PLEKHM3: variants seen among roughly 807,000 people sequenced by gnomAD.
The protein encoded by PLEKHM3 is pleckstrin homology domain containing M3.
PLEKHM3 carries 45 observed loss-of-function variants against 81.8 expected under a neutral mutation model. The ratio of observed to expected loss-of-function variants is 0.55; its 90% CI spans 0.43 to 0.71. The LOEUF (loss-of-function observed/expected upper bound fraction) is 0.71. Among genes scored for constraint, PLEKHM3 ranks in the 30% least tolerant of loss-of-function variants. The pLI is 0.00. For missense variants in PLEKHM3, 788 were observed against 924.3 expected (o/e 0.85, Z 1.91); for synonymous variants, 352 against 356.4 (o/e 0.99, Z 0.14).
In PLEKHM3 at chr2:208,009,751, C is replaced by T. The variant is rs112680051; in HGVS notation, c.-318-7794G>A. 3.3e-5 allele frequency among the ~76,000 whole-genome samples: 5 copies of T among 152,172 alleles called. 1 individual carries two copies. The highest frequency in any genetic ancestry group is 1.2e-4 in the African/African-American group (5 of 41,534). ...ACAGTGGGTACTCAGTAAGCATTTG[C>T]CAAATGAATAACTGAATAAACAGTA... On this transcript the variant is annotated intron_variant, in intron 1 of 7. Coordinates refer to ENST00000427836, the MANE Select transcript of PLEKHM3 (RefSeq NM_001080475.3).
intron 5 of PLEKHM3, among the ~76,000 whole-genome samples, chr2:207,922,644 C>G (rs1001214047): frequency 6.6e-6 from 1 of 152,046 alleles, no homozygotes; most frequent in Non-Finnish European, 1.5e-5. Context: ...AAACCTGTCT[C>G]TACTAAAAAT....
chr2:207,906,501 C>A (rs141468702), intron 6 of PLEKHM3, among the ~76,000 whole-genome samples: 37 of 152,334 alleles, frequency 2.4e-4, no homozygotes, highest in African/African-American at 8.9e-4. Context: ...TTTAAAATAA[C>A]TTTCTGGCAG....
intron 3 of PLEKHM3, among the ~76,000 whole-genome samples, chr2:207,975,421 A>T (rs1055830126): frequency 6.6e-6 from 1 of 152,108 alleles, no homozygotes; most frequent in Non-Finnish European, 1.5e-5. Flanking sequence ...ACAACATGTT[A>T]AACCTAATAG....
chr2:207,879,467 C>T (rs2092575801), intron 6 of PLEKHM3, among the ~76,000 whole-genome samples: 1 of 152,236 alleles, frequency 6.6e-6, no homozygotes, highest in Middle Eastern at 3.2e-3. Context: ...GTGCATTCAA[C>T]CTTTGCATTC....
intron 5 of PLEKHM3, among the ~76,000 whole-genome samples, chr2:207,928,411 CT>C (rs1559241719): frequency 6.6e-6 from 1 of 152,188 alleles, no homozygotes; most frequent in East Asian, 1.9e-4. Flanking sequence ...CAGGTGGTGG[CT>C]TTTAAGTGGA....
At chr2:207,882,504 C>T (rs369262015) in intron 6 of PLEKHM3, among the ~76,000 whole-genome samples, 1 of 148,396 alleles carries the variant, frequency 6.7e-6, no homozygotes, top group Non-Finnish European at 1.5e-5. Context: ...CGCAGTTACC[C>T]GGGAGGCTGA....
intron 5 of PLEKHM3, among the ~76,000 whole-genome samples, chr2:207,927,843 A>G (rs1689453842): frequency 6.6e-6 from 1 of 152,184 alleles, no homozygotes; most frequent in South Asian, 2.1e-4. Context: ...AAGAAAAGAA[A>G]GTGTGGCCTG....
intron 1 of PLEKHM3, among the ~76,000 whole-genome samples, chr2:208,017,860 C>T (rs62190896): frequency 0.1 from 15,562 of 152,250 alleles, 919 homozygotes; most frequent in Non-Finnish European, 0.13. Context: ...ACTCTTTCCA[C>T]TGCTCTCATG....
Position 207,825,049 on chromosome 2 carries a change from C to T in PLEKHM3, c.*3270G>A, listed in dbSNP as rs1211964562. 1 of 152,116 alleles carries T rather than the reference C, an allele frequency of 6.6e-6. No individual in the cohort carries two copies. The highest frequency in any genetic ancestry group is 1.5e-5 in the Non-Finnish European group (1 of 68,036). The allele number at this position is 152,116 out of a possible 1,614,324, so 9.4% of individuals were successfully genotyped here. ...GCACTCCCTAGAAAAGGCAGTGAAG[C>T]AAAGGGGGCTGCTGAGAGTTTACAT... On this transcript the variant is annotated 3_prime_UTR_variant, in exon 8 of 8. Coordinates refer to ENST00000427836, the MANE Select transcript of PLEKHM3 (RefSeq NM_001080475.3).
At chr2:208,011,526 G>T (rs1692692012) in intron 1 of PLEKHM3, among the ~76,000 whole-genome samples, 1 of 152,022 alleles carries the variant, frequency 6.6e-6, no homozygotes, top group Middle Eastern at 3.4e-3. Context: ...ACCAAACATC[G>T]TATGTTCTCA....
chr2:207,979,162 G>C (rs1262328172), intron 2 of PLEKHM3, among the ~76,000 whole-genome samples: 1 of 152,198 alleles, frequency 6.6e-6, no homozygotes, highest in East Asian at 1.9e-4. Context: ...TCAATGATTA[G>C]CTGCAATATA....
At chr2:207,909,587 G>T (rs1264214664) in intron 5 of PLEKHM3, among the ~76,000 whole-genome samples, 1 of 152,178 alleles carries the variant, frequency 6.6e-6, no homozygotes. Flanking sequence ...ATACAATGTG[G>T]TAATTGAAAA....
At chr2:207,840,799 G>GTTTTTTTT (rs1221570591) in intron 7 of PLEKHM3, among the ~76,000 whole-genome samples, 13 of 109,832 alleles carry the variant, frequency 1.2e-4, no homozygotes, top group Non-Finnish European at 1.6e-4. Context: ...CACTTTTTAT[G>GTTTTTTTT]TTTTTTTTTT....
intron 7 of PLEKHM3, among the ~76,000 whole-genome samples, chr2:207,831,716 C>T (rs762496152): frequency 2.6e-5 from 4 of 152,154 alleles, no homozygotes; most frequent in Non-Finnish European, 2.9e-5. Context: ...TCACCTCTAG[C>T]ATCTTCCTCT....
chr2:207,912,268 C>T (rs1277195574), intron 5 of PLEKHM3, among the ~76,000 whole-genome samples: 1 of 152,202 alleles, frequency 6.6e-6, no homozygotes, highest in Non-Finnish European at 1.5e-5. Context: ...TACAGCACAG[C>T]TAAAGTGGCT....
At chr2:207,906,965 C>G (rs1230334781) in intron 6 of PLEKHM3, among the ~76,000 whole-genome samples, 1 of 152,078 alleles carries the variant, frequency 6.6e-6, no homozygotes, top group Non-Finnish European at 1.5e-5. Flanking sequence ...CTGGATAAAA[C>G]AACCAGAGAG....
At chr2:207,903,506 G>C (rs539870680) in intron 6 of PLEKHM3, among the ~76,000 whole-genome samples, 1 of 152,228 alleles carries the variant, frequency 6.6e-6, no homozygotes, top group East Asian at 1.9e-4. Context: ...AATACCAGAA[G>C]AGTTAGTCAT....
At chr2:207,928,608 C>CT (rs1314415463) in intron 5 of PLEKHM3, among the ~76,000 whole-genome samples, 3 of 152,184 alleles carry the variant, frequency 2.0e-5, no homozygotes, top group Non-Finnish European at 2.9e-5. Flanking sequence ...TAATTTTTGC[C>CT]GGAAGGGCAG....
chr2:208,012,316 T>C (rs564444700), intron 1 of PLEKHM3, among the ~76,000 whole-genome samples: 3 of 152,302 alleles, frequency 2.0e-5, no homozygotes, highest in African/African-American at 7.2e-5. Flanking sequence ...AATAAATACT[T>C]GTAGTAACCT....
Sources: gnomAD v4.1 joint callset for allele counts (sites outside exome capture counted in the v4.1 genomes callset) on GRCh38, gnomAD v4.1.1 for gene constraint, MANE v1.5 for transcripts, NCBI Gene and HGNC (gene_info 2026-07-23, HGNC 2026-07-21) for gene names.